Variants in MMD2 observed in about 807,000 individuals in gnomAD.
MMD2 encodes the protein monocyte to macrophage differentiation factor 2.
MMD2 carries 30 observed loss-of-function variants against 33.5 expected under a neutral mutation model. The ratio of observed to expected loss-of-function variants is 0.90; its 90% confidence interval spans 0.67 to 1.22. The LOEUF is 1.22. MMD2 is among the 50% of genes most tolerant of loss of function. The pLI, the probability that MMD2 is intolerant of heterozygous loss-of-function variation, is 0.00. For synonymous variants in MMD2, 129 were observed against 123.0 expected (o/e 1.05, Z -0.32); for missense variants, 364 against 325.4 (o/e 1.12, Z -0.91).
chr7:4,924,704 G>C (rs755044034), intron 2 of MMD2, among the ~76,000 whole-genome samples: 3 of 152,202 alleles, frequency 2.0e-5, no homozygotes, highest in Non-Finnish European at 4.4e-5. Flanking sequence ...TGATGGAAAG[G>C]GTTTCATAGG....
At chr7:4,908,553 C>T (rs1784922470) in intron 6 of MMD2, among the ~76,000 whole-genome samples, 2 of 152,082 alleles carry the variant, frequency 1.3e-5, no homozygotes, top group Admixed American at 1.3e-4. Flanking sequence ...ATAATCACAA[C>T]AGCAAAAGGT....
chr7:4,895,831 G>C, the MMD2 span, among the ~76,000 whole-genome samples: 1 of 151,690 alleles, frequency 6.6e-6, no homozygotes, highest in African/African-American at 2.4e-5. Flanking sequence ...ACCGCGCCCG[G>C]CTGAGCCCAG....
At chr7:4,911,096 G>A (rs1229812298) in intron 5 of MMD2, 49 bp downstream of exon 5, 1 of 1,469,244 alleles carries the variant, frequency 6.8e-7, no homozygotes, top group Non-Finnish European at 9.3e-7. Flanking sequence ...GGGGAGGCCA[G>A]AGCATCTAAG....
chr7:4,899,303 C>CAGGAT, the MMD2 span, among the ~76,000 whole-genome samples: 2 of 152,056 alleles, frequency 1.3e-5, no homozygotes, highest in Admixed American at 6.6e-5. Context: ...AAGGCTAGGA[C>CAGGAT]AGGATAGGAT....
At chr7:4,894,408 C>T in the MMD2 span, among the ~76,000 whole-genome samples, 4 of 152,146 alleles carry the variant, frequency 2.6e-5, no homozygotes, top group Non-Finnish European at 4.4e-5. The surrounding 1 kb of genome is among the most constrained non-coding windows in gnomAD (Gnocchi z 4.3). Context: ...GACTACCCCT[C>T]GCAGGAGTAG....
the MMD2 span, among the ~76,000 whole-genome samples, chr7:4,894,235 C>T: frequency 6.6e-6 from 1 of 152,206 alleles, no homozygotes; most frequent in African/African-American, 2.4e-5. This position sits in a 1 kb window ranked among gnomAD's most constrained non-coding sequence, Gnocchi z 4.3. Context: ...AGACACTTGC[C>T]TTACGACCTA....
chr7:4,953,212 T>C (rs1241488006), intron 1 of MMD2, among the ~76,000 whole-genome samples: 1 of 151,748 alleles, frequency 6.6e-6, no homozygotes, highest in East Asian at 1.9e-4. Context: ...ATAGTTATTA[T>C]CTGTTGTCTG....
chr7:4,929,632 A>C (rs1235828409), intron 1 of MMD2, among the ~76,000 whole-genome samples: 2 of 151,690 alleles, frequency 1.3e-5, no homozygotes, highest in Non-Finnish European at 2.9e-5. Flanking sequence ...TCAAGTGATT[A>C]TCCTGCCTCA....
At chr7:4,903,106 C>T (rs956213225), downstream of MMD2, among the ~76,000 whole-genome samples, 5 of 152,052 alleles carry the variant, frequency 3.3e-5, no homozygotes, top group African/African-American at 7.2e-5. Flanking sequence ...GGTGTGGTGA[C>T]GGGCACCTGT....
chr7:4,896,535 C>T, the MMD2 span, among the ~76,000 whole-genome samples: 1 of 152,152 alleles, frequency 6.6e-6, no homozygotes, highest in Non-Finnish European at 1.5e-5. Flanking sequence ...AGCTGGGTCC[C>T]TAGCCAGCCA....
At chr7:4,945,000 TC>T (rs1304941778) in intron 1 of MMD2, among the ~76,000 whole-genome samples, 1 of 150,834 alleles carries the variant, frequency 6.6e-6, no homozygotes, top group Admixed American at 6.6e-5. Context: ...TTCTTCTTTT[TC>T]TTCTTTTCTT....
At chr7:4,905,640 A>G (rs1167646638), downstream of MMD2, among the ~76,000 whole-genome samples, 1 of 151,652 alleles carries the variant, frequency 6.6e-6, no homozygotes, top group Non-Finnish European at 1.5e-5. This position sits in a 1 kb window ranked among gnomAD's most constrained non-coding sequence, Gnocchi z 5.0. Flanking sequence ...CCTAAACAAC[A>G]CCCCAGAACC....
At chr7:4,901,978 A>C (rs1438381721), downstream of MMD2, among the ~76,000 whole-genome samples, 1 of 152,018 alleles carries the variant, frequency 6.6e-6, no homozygotes, top group Non-Finnish European at 1.5e-5. Flanking sequence ...TTGACGTGGA[A>C]TCTCGCTCTG....
In MMD2 at chr7:4,908,106, G is replaced by A. The variant is rs887668981; in HGVS notation, c.538-507C>T. Among the ~76,000 whole-genome samples, 13 of 151,634 alleles carry A rather than the reference G, an allele frequency of 8.6e-5. No homozygotes were observed. In the East Asian group the frequency reaches 2.3e-3, roughly 27 times the overall value. On this transcript the variant is annotated intron_variant, in intron 6 of 6. Coordinates refer to ENST00000401401, the MANE Select transcript of MMD2 (RefSeq NM_198403.4). ...ATTACAGGTGTGAGCCACCACACTC[G>A]GCCTCAAATAATATTTTTATAACTT...
intron 1 of MMD2, among the ~76,000 whole-genome samples, chr7:4,955,175 A>G (rs929053358): frequency 6.6e-6 from 1 of 152,200 alleles, no homozygotes; most frequent in Non-Finnish European, 1.5e-5. Flanking sequence ...CTTTACATGC[A>G]TGAATCTATT....
chr7:4,894,153 A>G, the MMD2 span, among the ~76,000 whole-genome samples: 1 of 152,120 alleles, frequency 6.6e-6, no homozygotes, highest in Non-Finnish European at 1.5e-5. The surrounding 1 kb of genome is among the most constrained non-coding windows in gnomAD (Gnocchi z 4.3). Context: ...TATGGCAGGA[A>G]TGATGATGCA....
chr7:4,926,934 C>T (rs1242037335), intron 1 of MMD2, among the ~76,000 whole-genome samples: 4 of 151,690 alleles, frequency 2.6e-5, no homozygotes, highest in South Asian at 2.1e-4. Flanking sequence ...TTAGTAGAGA[C>T]GGGGTTTCAC....
In MMD2 at chr7:4,946,110, C is replaced by T. The variant is rs1039471594; in HGVS notation, c.47+12861G>A. On this transcript the variant is annotated intron_variant, in intron 1 of 6. Coordinates refer to ENST00000401401, the MANE Select transcript of MMD2 (RefSeq NM_198403.4). The surrounding 1 kb of genome is among the most constrained non-coding windows in gnomAD (Gnocchi z 5.0). ...GCACGCACACACACGCATGCACACGCGCACACGCACGCACACACCTGCACA... is the reference window on the plus strand; with the variant it reads ...GCACGCACACACACGCATGCACACGTGCACACGCACGCACACACCTGCACA... 6.6e-5 allele frequency among the ~76,000 whole-genome samples: 10 copies of T among 151,622 alleles called. No homozygotes were observed. In the East Asian group the frequency reaches 1.4e-3, roughly 21 times the overall value.
At chr7:4,939,740 T>C (rs1322843981) in intron 1 of MMD2, among the ~76,000 whole-genome samples, 1 of 132,946 alleles carries the variant, frequency 7.5e-6, no homozygotes, top group African/African-American at 3.1e-5. Flanking sequence ...CTTTCTTTCT[T>C]TCTTTTTTTT....
Sources: allele counts gnomAD v4.1 joint callset (sites outside exome capture counted in the v4.1 genomes callset), GRCh38; gene constraint gnomAD v4.1.1; non-coding constraint Gnocchi (gnomAD v3.1); transcripts MANE v1.5; gene names NCBI Gene and HGNC (gene_info 2026-07-23, HGNC 2026-07-21).